TTLL11: variants seen among roughly 807,000 people sequenced by gnomAD.
The protein encoded by TTLL11 is tubulin tyrosine ligase like 11.
In TTLL11, 42 loss-of-function variants were observed where a neutral mutation model predicts 51.7. The ratio of observed to expected loss-of-function variants is 0.81; its 90% confidence interval spans 0.64 to 1.05. The LOEUF (loss-of-function observed/expected upper bound fraction) is 1.05. Ranked by LOEUF, TTLL11 falls within the 50% of genes least tolerant of loss-of-function variation. The pLI, the probability that TTLL11 is intolerant of heterozygous loss-of-function variation, is 0.00. For synonymous variants in TTLL11, 381 were observed against 383.5 expected (o/e 0.99, Z 0.08); for missense variants, 799 against 940.4 (o/e 0.85, Z 1.97).
chr9:121,863,424 A>G (rs1838079907), intron 7 of TTLL11, among the ~76,000 whole-genome samples: 1 of 152,208 alleles, frequency 6.6e-6, no homozygotes, highest in Non-Finnish European at 1.5e-5. Flanking sequence ...CTGTGGGTTA[A>G]TAGAGTATTA....
At chr9:122,078,025 C>T (rs1287965021) in intron 1 of TTLL11, among the ~76,000 whole-genome samples, 2 of 152,012 alleles carry the variant, frequency 1.3e-5, no homozygotes, top group Non-Finnish European at 2.9e-5. Flanking sequence ...ATGTAAAATA[C>T]ATAGAACTAC....
intron 3 of TTLL11, among the ~76,000 whole-genome samples, chr9:122,007,598 A>G (rs949193457): frequency 6.6e-6 from 1 of 152,232 alleles, no homozygotes; most frequent in Admixed American, 6.5e-5. Flanking sequence ...CCCACAGAAT[A>G]AAGTAAGAAT....
chr9:122,079,792 G>A (rs1490957854), intron 1 of TTLL11, among the ~76,000 whole-genome samples: 1 of 152,036 alleles, frequency 6.6e-6, no homozygotes, highest in Non-Finnish European at 1.5e-5. Context: ...CTACCTCTGG[G>A]TAGAAGATCA....
At chr9:121,907,805 C>G (rs1839994498) in intron 6 of TTLL11, among the ~76,000 whole-genome samples, 2 of 152,098 alleles carry the variant, frequency 1.3e-5, no homozygotes, top group African/African-American at 4.8e-5. Context: ...TATATCCAAC[C>G]AAGTGGATAT....
At chr9:121,961,692 C>A (rs1842229260) in intron 6 of TTLL11, among the ~76,000 whole-genome samples, 1 of 152,178 alleles carries the variant, frequency 6.6e-6, no homozygotes, top group African/African-American at 2.4e-5. Flanking sequence ...AAACTCTGGT[C>A]CAGTCATTGA....
intron 6 of TTLL11, among the ~76,000 whole-genome samples, chr9:121,907,782 A>G (rs1839993990): frequency 6.6e-6 from 1 of 152,214 alleles, no homozygotes; most frequent in South Asian, 2.1e-4. Flanking sequence ...GTGGCTCGCC[A>G]TGAAAAATGT....
chr9:121,876,033 C>T (rs996865293), intron 6 of TTLL11, among the ~76,000 whole-genome samples: 1 of 152,210 alleles, frequency 6.6e-6, no homozygotes, highest in African/African-American at 2.4e-5. Context: ...ATTTGTTTCT[C>T]ATAACAATTC....
chr9:122,044,307 C>T (rs1436378062), intron 1 of TTLL11, among the ~76,000 whole-genome samples: 17 of 151,852 alleles, frequency 1.1e-4, no homozygotes, highest in Non-Finnish European at 1.8e-4. Flanking sequence ...TGAATAGTGC[C>T]GCAATAAACA....
chr9:121,937,395 T>C (rs1841277824), intron 6 of TTLL11, among the ~76,000 whole-genome samples: 1 of 152,216 alleles, frequency 6.6e-6, no homozygotes, highest in African/African-American at 2.4e-5. Context: ...TTGCTTACAG[T>C]GACATAGTTA....
chr9:121,936,433 T>G (rs945096121), intron 6 of TTLL11, among the ~76,000 whole-genome samples: 1 of 152,012 alleles, frequency 6.6e-6, no homozygotes, highest in Non-Finnish European at 1.5e-5. Flanking sequence ...TCAAGCCAGT[T>G]AAGAGCATTT....
chr9:121,863,206 G>A (rs949965911), intron 7 of TTLL11, among the ~76,000 whole-genome samples: 48 of 152,314 alleles, frequency 3.2e-4, no homozygotes, highest in Admixed American at 9.1e-4. Context: ...CAATGGACGC[G>A]GAGGTTTTCA....
chr9:122,036,576 C>G (rs1189096442), intron 2 of TTLL11, among the ~76,000 whole-genome samples: 1 of 151,590 alleles, frequency 6.6e-6, no homozygotes, highest in Non-Finnish European at 1.5e-5. Flanking sequence ...AGGAAATTAC[C>G]CATAGAAAAG....
chr9:122,029,919 C>A (rs1184412926), intron 3 of TTLL11, among the ~76,000 whole-genome samples: 1 of 151,924 alleles, frequency 6.6e-6, no homozygotes, highest in Non-Finnish European at 1.5e-5. Flanking sequence ...TGTTTAGATA[C>A]AAAAAAGACT....
At chr9:122,056,731 A>C in intron 1 of TTLL11, among the ~76,000 whole-genome samples, 1 of 152,186 alleles carries the variant, frequency 6.6e-6, no homozygotes, top group Non-Finnish European at 1.5e-5. Context: ...CAGCATTCCC[A>C]CTCAAAGCAC....
intron 8 of TTLL11, among the ~76,000 whole-genome samples, chr9:121,834,474 C>T (rs75136860): frequency 0.017 from 1,971 of 119,078 alleles, 53 homozygotes; most frequent in African/African-American, 0.067. Flanking sequence ...AATAGCTGCC[C>T]TGAGTGGCTT....
At chr9:121,893,890 C>T (rs187914833) in intron 6 of TTLL11, among the ~76,000 whole-genome samples, 2 of 152,304 alleles carry the variant, frequency 1.3e-5, no homozygotes, top group African/African-American at 4.8e-5. Context: ...ATGAACTATT[C>T]TTTGCAAGCT....
chr9:122,067,917 C>T (rs1455477173), intron 1 of TTLL11, among the ~76,000 whole-genome samples: 1 of 152,218 alleles, frequency 6.6e-6, no homozygotes, highest in East Asian at 1.9e-4. Flanking sequence ...GAAAACATTC[C>T]AAATTTTATA....
intron 4 of TTLL11, among the ~76,000 whole-genome samples, chr9:121,986,450 A>T (rs1020421884): frequency 4.0e-5 from 6 of 151,786 alleles, no homozygotes; most frequent in African/African-American, 1.5e-4. Flanking sequence ...TATCTCCTTG[A>T]CCCTAGCTTT....
At chr9:121,879,682 G>C (rs1160635091) in intron 6 of TTLL11, among the ~76,000 whole-genome samples, 1 of 152,278 alleles carries the variant, frequency 6.6e-6, no homozygotes, top group East Asian at 1.9e-4. Flanking sequence ...GAGTGAAGAA[G>C]AAGGGAGAGT....
Sources: gnomAD v4.1 joint callset for allele counts (sites outside exome capture counted in the v4.1 genomes callset) on GRCh38, gnomAD v4.1.1 for gene constraint, MANE v1.5 for transcripts, NCBI Gene and HGNC (gene_info 2026-07-23, HGNC 2026-07-21) for gene names.